Variants in TEX11 observed in about 807,000 individuals in gnomAD.
TEX11 encodes testis-expressed protein 11.
In TEX11, 7 loss-of-function variants were observed where a neutral mutation model predicts 84.4. The observed-to-expected ratio is 0.08, with a 90% CI of 0.05 to 0.16. The LOEUF (loss-of-function observed/expected upper bound fraction) is 0.16. Among genes scored for constraint, TEX11 ranks in the 10% least tolerant of loss-of-function variants. The pLI, the probability that TEX11 is intolerant of heterozygous loss-of-function variation, is 1.00. For synonymous variants in TEX11, 264 were observed against 222.8 expected, an observed-to-expected ratio of 1.18 and a Z score of -1.64; for missense variants, 551 against 660.5, an observed-to-expected ratio of 0.83 and a Z score of 1.82.
chrX:70,589,095 G>A (rs1348521209), intron 25 of TEX11, among the ~76,000 whole-genome samples: 2 of 110,780 alleles, frequency 1.8e-5, no homozygotes, highest in Non-Finnish European at 3.8e-5. Flanking sequence ...AAAATAGATA[G>A]TGGTAATGGT....
chrX:70,676,756 T>C (rs1454637706), intron 15 of TEX11, among the ~76,000 whole-genome samples: 1 of 112,157 alleles, frequency 8.9e-6, no homozygotes, highest in African/African-American at 3.2e-5. Context: ...CACTGAACTC[T>C]TTTAATTTTT....
intron 28 of TEX11, among the ~76,000 whole-genome samples, chrX:70,541,104 C>T (rs769238506): frequency 4.5e-5 from 5 of 110,629 alleles, no homozygotes; most frequent in Non-Finnish European, 9.4e-5. Flanking sequence ...GTGGGAGGAT[C>T]GCTTAAGCCT....
At chrX:70,670,763 TAA>T (rs1247024295) in intron 15 of TEX11, among the ~76,000 whole-genome samples, 1 of 111,879 alleles carries the variant, frequency 8.9e-6, no homozygotes, top group African/African-American at 3.2e-5. Context: ...ATGAAGAGTC[TAA>T]GAGTGTAGTA....
chrX:70,521,863 AT>A, the TEX11 span, among the ~76,000 whole-genome samples: 45 of 104,586 alleles, frequency 4.3e-4, no homozygotes, highest in African/African-American at 5.9e-4. Context: ...ATGACTTAAA[AT>A]TTTTTTTTTT....
rs185329467 is a variant in TEX11, at chrX:70,631,519, G to A, written c.1484-1784C>T. Among the ~76,000 whole-genome samples, 522 of 106,896 alleles carry A rather than the reference G, an allele frequency of 4.9e-3. 4 individuals carry two copies. The highest frequency in any genetic ancestry group is 7.4e-3 in the Non-Finnish European group (383 of 51,856). 92.8% of individuals were successfully genotyped at this position (106,896 alleles called of 115,157 possible). On this transcript the variant is annotated intron_variant, in intron 17 of 29. Coordinates refer to ENST00000374333, the MANE Select transcript of TEX11 (RefSeq NM_031276.3). The stretch of plus-strand genomic sequence containing the variant: ...GCCCAGTGAACTGATTTGGGACTGC[G>A]GCCTCCTGAACTGTAAGATAATGGA...
chrX:70,579,781 C>G (rs572296611), intron 25 of TEX11, among the ~76,000 whole-genome samples: 2 of 111,973 alleles, frequency 1.8e-5, no homozygotes, highest in African/African-American at 6.5e-5. Flanking sequence ...AAATGCAAAC[C>G]AAAACTACAG....
At chrX:70,699,755 C>T (rs1484663872) in intron 13 of TEX11, among the ~76,000 whole-genome samples, 1 of 111,398 alleles carries the variant, frequency 9.0e-6, no homozygotes, top group African/African-American at 3.3e-5. Flanking sequence ...TCATCATCAT[C>T]ATCATCATTT....
intron 17 of TEX11, among the ~76,000 whole-genome samples, chrX:70,632,606 T>C (rs2089524146): frequency 9.0e-6 from 1 of 110,883 alleles, no homozygotes; most frequent in Non-Finnish European, 1.9e-5. Flanking sequence ...AAAACAAAAC[T>C]GATAGAGAAA....
chrX:70,637,600 C>T (rs1300949763), intron 17 of TEX11, among the ~76,000 whole-genome samples: 1 of 106,578 alleles, frequency 9.4e-6, no homozygotes, highest in Non-Finnish European at 1.9e-5. Context: ...AACAAGACCA[C>T]GTCCTTTGCA....
intron 25 of TEX11, among the ~76,000 whole-genome samples, chrX:70,573,005 T>C (rs1357820250): frequency 1.8e-5 from 2 of 111,175 alleles, no homozygotes; most frequent in African/African-American, 3.3e-5. Flanking sequence ...GTATAATAAA[T>C]AAATAAATAA....
At chrX:70,689,749 G>A (rs1188630941) in intron 13 of TEX11, among the ~76,000 whole-genome samples, 2 of 111,918 alleles carry the variant, frequency 1.8e-5, no homozygotes, top group East Asian at 5.6e-4. Context: ...TTCCCATGTA[G>A]AAGAATTCAA....
At chrX:70,754,984 G>T (rs2090857400) in intron 9 of TEX11, among the ~76,000 whole-genome samples, 1 of 111,822 alleles carries the variant, frequency 8.9e-6, no homozygotes, top group South Asian at 3.7e-4. Context: ...TCTGAACATG[G>T]GGAAAGCCTT....
intron 28 of TEX11, among the ~76,000 whole-genome samples, chrX:70,540,327 T>C (rs1249993677): frequency 9.0e-6 from 1 of 111,704 alleles, no homozygotes; most frequent in Middle Eastern, 4.2e-3. Context: ...AAGTGAACAG[T>C]TTAGTGGCGT....
Position 70,555,653 on chromosome X carries a change from G to T in TEX11, c.2141-853C>A, listed in dbSNP as rs749880335. 4.5e-5 allele frequency among the ~76,000 whole-genome samples: 5 copies of T among 111,856 alleles called. No individual in the cohort carries two copies. The South Asian group carries it at 1.9e-3, about 42-fold the overall frequency. On this transcript the variant is annotated intron_variant, in intron 25 of 29. Transcript: ENST00000374333. ...GTCTGCAGTTTCTTATATTGTCTTT[G>T]TCTACTACTGGTATCAGGATAATAG...
At chrX:70,898,607 A>AT (rs60312400) in intron 2 of TEX11, among the ~76,000 whole-genome samples, 32 of 85,597 alleles carry the variant, frequency 3.7e-4, no homozygotes, top group African/African-American at 9.0e-4. Context: ...TATAAACTGT[A>AT]TTTTTTTTTT....
At chrX:70,742,186 G>A (rs2090737820) in intron 10 of TEX11, among the ~76,000 whole-genome samples, 2 of 110,174 alleles carry the variant, frequency 1.8e-5, no homozygotes, top group Admixed American at 2.0e-4. Context: ...TATTCATTTT[G>A]ACTGTTCTTG....
At chrX:70,530,066 C>T (rs2087866004) in intron 28 of TEX11, 67 bp from the exon 29 acceptor site, 4 of 941,575 alleles carry the variant, frequency 4.2e-6, no homozygotes, top group Non-Finnish European at 5.9e-6. Context: ...TACCTGTATC[C>T]ATGCTATGTC....
intron 17 of TEX11, among the ~76,000 whole-genome samples, chrX:70,641,780 G>A (rs1247765302): frequency 9.1e-6 from 1 of 109,788 alleles, no homozygotes; most frequent in Non-Finnish European, 1.9e-5. Flanking sequence ...TGTGTAGAGG[G>A]AAATTTATAG....
intron 28 of TEX11, among the ~76,000 whole-genome samples, chrX:70,546,237 T>C (rs771432287): frequency 9.0e-6 from 1 of 111,671 alleles, no homozygotes; most frequent in African/African-American, 3.2e-5. Flanking sequence ...CCTCACACTA[T>C]AACAAAATTT....
Sources: allele counts gnomAD v4.1 joint callset (sites outside exome capture counted in the v4.1 genomes callset), GRCh38; gene constraint gnomAD v4.1.1; transcripts MANE v1.5; gene names NCBI Gene and HGNC (gene_info 2026-07-23, HGNC 2026-07-21).